The following B3GNT2 variants were observed in gnomAD, a reference collection of about 807,000 sequenced individuals.
B3GNT2 encodes N-acetyllactosaminide beta-1,3-N-acetylglucosaminyltransferase 2.
Under a neutral mutation model 27.6 loss-of-function variants are expected in B3GNT2, and 12 were observed. The ratio of observed to expected loss-of-function variants is 0.44; its 90% confidence interval spans 0.28 to 0.71. The LOEUF is 0.71. B3GNT2 is among the 30% of genes least tolerant of loss of function. B3GNT2 has a pLI of 0.17. For missense variants in B3GNT2, 413 were observed against 488.5 expected, an observed-to-expected ratio of 0.85 and a Z score of 1.46; for synonymous variants, 192 against 189.7, an observed-to-expected ratio of 1.01 and a Z score of -0.10.
At chr2:62,206,513 T>C (rs1021347110) in intron 1 of B3GNT2, among the ~76,000 whole-genome samples, 11 of 152,110 alleles carry the variant, frequency 7.2e-5, no homozygotes, top group Non-Finnish European at 1.0e-4. Flanking sequence ...ATTTCTCTAT[T>C]TTTTTTCCCT....
Position 62,196,141 on chromosome 2 carries a change from G to GGCAGCA in B3GNT2, c.-221_-216dup, listed in dbSNP as rs1446192975. On this transcript the variant is annotated 5_prime_UTR_variant, in exon 1 of 2. Coordinates refer to ENST00000301998, the MANE Select transcript of B3GNT2 (RefSeq NM_006577.6). ...GCCTGGAGTGAGGCGCAGCGGCAGC[G>GGCAGCA]GCAGCAGCGGCAACAAGTGCCGGAG... The GGCAGCA allele has an allele frequency of 4.0e-5, 6 of 151,676 alleles. No homozygotes were observed. The East Asian group carries it at 9.7e-4, about 24-fold the overall frequency. 9.4% of individuals were successfully genotyped at this position (151,676 alleles called of 1,614,324 possible).
rs367937167 is a variant in B3GNT2, at chr2:62,216,961, A to G, written c.-9-5251A>G. Among the ~76,000 whole-genome samples the G allele has an allele frequency of 7.9e-5, 12 of 152,370 alleles. No individual in the cohort carries two copies. The East Asian group carries it at 9.6e-4, about 12-fold the overall frequency. On this transcript the variant is annotated intron_variant, in intron 1 of 1. Transcript: ENST00000301998. Reference sequence around the variant, plus strand: ...AGGCCTGGGCGCAAGCCCTGACTCCATCACTTGCTGGCTGGGAACCTGGGA... The same window carrying G: ...AGGCCTGGGCGCAAGCCCTGACTCCGTCACTTGCTGGCTGGGAACCTGGGA...
chr2:62,209,852 C>T (rs1466539932), intron 1 of B3GNT2, among the ~76,000 whole-genome samples: 1 of 152,174 alleles, frequency 6.6e-6, no homozygotes, highest in East Asian at 1.9e-4. Context: ...CCAGCTCTGA[C>T]AGGTGTTTAA....
At chr2:62,196,576 C>A (rs1190969630) in intron 1 of B3GNT2, among the ~76,000 whole-genome samples, 2 of 152,256 alleles carry the variant, frequency 1.3e-5, no homozygotes, top group Non-Finnish European at 2.9e-5. Context: ...CCTCCCTTAC[C>A]TTCCCGCCGT....
intron 1 of B3GNT2, among the ~76,000 whole-genome samples, chr2:62,216,051 G>C (rs1194295959): frequency 6.6e-6 from 1 of 152,194 alleles, no homozygotes; most frequent in East Asian, 1.9e-4. Context: ...GCTTGCCTGA[G>C]CCCATGGCGG....
chr2:62,220,016 A>G (rs1021844802), intron 1 of B3GNT2, among the ~76,000 whole-genome samples: 17 of 152,362 alleles, frequency 1.1e-4, no homozygotes, highest in Non-Finnish European at 2.5e-4. Context: ...GGGGAAGTCA[A>G]AGATCTTGTG....
intron 1 of B3GNT2, among the ~76,000 whole-genome samples, chr2:62,198,424 C>T (rs1674197719): frequency 6.6e-6 from 1 of 152,184 alleles, no homozygotes. Context: ...GTGGTCATTG[C>T]TGTAATCAAT....
chr2:62,209,610 G>C (rs781487776), intron 1 of B3GNT2, among the ~76,000 whole-genome samples: 7 of 152,152 alleles, frequency 4.6e-5, no homozygotes, highest in Non-Finnish European at 8.8e-5. Context: ...ACACAGGCCA[G>C]ACCCTTTACC....
chr2:62,222,456 A>G lies in B3GNT2; in HGVS notation c.236A>G (p.Asn79Ser). ...QYNPILSMLT[N>S]QTGEAGRLSN... ...AACCCCATCCTGAGCATGCTGACCA[A>G]CCAGACGGGGGAGGCGGGCAGGCTC... The change falls in exon 2 of 2, where the codon AAC becomes AGC. Residue 79 changes from asparagine to serine, a missense_variant. Physicochemically the swap from Asn to Ser is conservative, Grantham distance 46 (BLOSUM62 1). Coordinates refer to ENST00000301998, the MANE Select transcript of B3GNT2 (RefSeq NM_006577.6). The surrounding 1 kb of genome is among the most constrained non-coding windows in gnomAD (Gnocchi z 4.2). 1 of 1,614,130 alleles carries G rather than the reference A, an allele frequency of 6.2e-7. No homozygotes were observed. The highest frequency in any genetic ancestry group is 8.5e-7 in the Non-Finnish European group (1 of 1,180,012).
intron 1 of B3GNT2, among the ~76,000 whole-genome samples, chr2:62,210,933 T>C (rs1236218411): frequency 6.6e-6 from 1 of 152,142 alleles, no homozygotes; most frequent in Non-Finnish European, 1.5e-5. Context: ...TAACTGACTT[T>C]AAAAGGTTGG....
rs767012986 is a variant in B3GNT2, at chr2:62,222,753, G to A, written c.533G>A (p.Arg178Gln). 6.2e-6 allele frequency: 10 copies of A among 1,614,034 alleles called. No individual in the cohort carries two copies. The highest frequency in any genetic ancestry group is 4.0e-5 in the African/African-American group (3 of 74,920). ...AACGCAGGGAACCAAACGGTGGTGC[G>A]AGTCTTCCTGCTGGGCCAGACACCC... ...ESNAGNQTVV[R>Q]VFLLGQTPPE... is the part of the protein sequence containing the mutation. The change falls in exon 2 of 2, where the codon CGA becomes CAA. Residue 178 changes from arginine (R) to glutamine (Q), a missense_variant. Coordinates refer to ENST00000301998, the MANE Select transcript of B3GNT2 (RefSeq NM_006577.6). The surrounding 1 kb of genome is among the most constrained non-coding windows in gnomAD (Gnocchi z 4.2).
intron 1 of B3GNT2, among the ~76,000 whole-genome samples, chr2:62,204,021 A>G (rs1196002793): frequency 2.6e-5 from 4 of 152,136 alleles, no homozygotes; most frequent in South Asian, 2.1e-4. Context: ...GCTGCAGTTT[A>G]TTTGTGCTTC....
At chr2:62,210,844 C>T (rs537471739) in intron 1 of B3GNT2, among the ~76,000 whole-genome samples, 3 of 151,938 alleles carry the variant, frequency 2.0e-5, no homozygotes, top group Admixed American at 6.6e-5. Context: ...GGGTATACAA[C>T]GAGAGGATAA....
intron 1 of B3GNT2, among the ~76,000 whole-genome samples, chr2:62,213,769 A>G (rs527912979): frequency 6.6e-6 from 1 of 152,330 alleles, no homozygotes; most frequent in Admixed American, 6.5e-5. Flanking sequence ...ACAGTTTTCT[A>G]TAAACATGTC....
intron 1 of B3GNT2, among the ~76,000 whole-genome samples, chr2:62,210,965 C>T (rs1325783385): frequency 1.3e-5 from 2 of 152,060 alleles, no homozygotes; most frequent in Non-Finnish European, 2.9e-5. Flanking sequence ...AATATGTTTC[C>T]TCCGGAAGTA....
In B3GNT2 at chr2:62,223,419, G is replaced by T. The variant is rs768401002; in HGVS notation, c.*5G>T. 3.8e-6 allele frequency: 6 copies of T among 1,587,056 alleles called. No homozygotes were observed. The highest frequency in any genetic ancestry group is 5.2e-6 in the Non-Finnish European group (6 of 1,162,834). ...AGTGCTCATTTAAAATGCTAAAATA[G>T]ATACAAACTCAATTTTGCATAGAAA... On this transcript the variant is annotated 3_prime_UTR_variant, in exon 2 of 2. Transcript: ENST00000301998.
intron 1 of B3GNT2, among the ~76,000 whole-genome samples, chr2:62,198,375 A>G (rs1390362878): frequency 6.6e-6 from 1 of 152,236 alleles, no homozygotes; most frequent in African/African-American, 2.4e-5. Context: ...CCAAACTCCT[A>G]GCACTGCACC....
At chr2:62,206,531 A>C (rs1292701179) in intron 1 of B3GNT2, among the ~76,000 whole-genome samples, 1 of 152,042 alleles carries the variant, frequency 6.6e-6, no homozygotes, top group African/African-American at 2.4e-5. Flanking sequence ...CCTTCCCCAA[A>C]GTGTTAGACC....
chr2:62,222,447 T>C lies in B3GNT2; in HGVS notation c.227T>C (p.Met76Thr). The change falls in exon 2 of 2, where the codon ATG becomes ACG. Residue 76 changes from methionine (M) to threonine (T), a missense_variant. Physicochemically the swap from Met to Thr is moderately conservative, Grantham distance 81. Transcript: ENST00000301998. This position sits in a 1 kb window ranked among gnomAD's most constrained non-coding sequence, Gnocchi z 4.2. ...CGGCAGTACAACCCCATCCTGAGCA[T>C]GCTGACCAACCAGACGGGGGAGGCG... The part of the protein sequence containing the change: ...LNRQYNPILS[M>T]LTNQTGEAGR... 6.2e-7 allele frequency: 1 copy of C among 1,614,060 alleles called. No homozygotes were observed. Among genetic ancestry groups the C allele is most frequent in the South Asian group, 1.1e-5 (1 of 91,062 alleles).
Sources: gnomAD v4.1 joint callset for allele counts (sites outside exome capture counted in the v4.1 genomes callset) on GRCh38, gnomAD v4.1.1 for gene constraint, Gnocchi (gnomAD v3.1) non-coding constraint, MANE v1.5 for transcripts, NCBI Gene and HGNC (gene_info 2026-07-23, HGNC 2026-07-21) for gene names.